STAG1: variants seen among roughly 807,000 people sequenced by gnomAD.
STAG1 encodes the protein STAG1 cohesin complex component, also known as cohesin subunit SA-1.
Under a neutral mutation model 170.9 loss-of-function variants are expected in STAG1, and 26 were observed. That is an observed-to-expected ratio of 0.15 (90% CI 0.11 to 0.21). STAG1 has a LOEUF of 0.21. Among genes scored for constraint, STAG1 ranks in the 10% least tolerant of loss-of-function variants. The pLI is 1.00. For missense variants in STAG1, 964 were observed against 1,509.5 expected (o/e 0.64, Z 5.99); for synonymous variants, 514 against 497.7 (o/e 1.03, Z -0.44).
chr3:136,478,868 C>A (rs2089835640), intron 9 of STAG1, among the ~76,000 whole-genome samples: 1 of 152,124 alleles, frequency 6.6e-6, no homozygotes, highest in Non-Finnish European at 1.5e-5. Context: ...AATCCTGGTT[C>A]TGCTATTTAC....
chr3:136,439,791 C>G (rs1335934090), intron 15 of STAG1, among the ~76,000 whole-genome samples: 1 of 152,128 alleles, frequency 6.6e-6, no homozygotes, highest in African/African-American at 2.4e-5. Context: ...ACTGTTATGC[C>G]TAATTTCTCA....
intron 1 of STAG1, among the ~76,000 whole-genome samples, chr3:136,706,712 A>G (rs1943235932): frequency 6.6e-6 from 1 of 152,208 alleles, no homozygotes. Flanking sequence ...GGAAAGTCCA[A>G]TCCTCAAACT....
At chr3:136,606,799 C>T (rs1257167289) in intron 3 of STAG1, among the ~76,000 whole-genome samples, 5 of 143,330 alleles carry the variant, frequency 3.5e-5, no homozygotes, top group Admixed American at 2.2e-4. Context: ...CCCAGGCTAA[C>T]GTGCAATGGC....
intron 9 of STAG1, among the ~76,000 whole-genome samples, chr3:136,485,152 T>C (rs1385705126): frequency 1.3e-5 from 2 of 152,156 alleles, no homozygotes; most frequent in Non-Finnish European, 2.9e-5. Flanking sequence ...TTATAATGAA[T>C]ACAGTATAAA....
chr3:136,635,372 T>C (rs1209219188), intron 1 of STAG1, among the ~76,000 whole-genome samples: 1 of 152,192 alleles, frequency 6.6e-6, no homozygotes, highest in East Asian at 1.9e-4. Flanking sequence ...AAAAACTACA[T>C]GATCATACCA....
At chr3:136,497,280 T>C (rs1237221546) in intron 9 of STAG1, among the ~76,000 whole-genome samples, 1 of 151,976 alleles carries the variant, frequency 6.6e-6, no homozygotes, top group Non-Finnish European at 1.5e-5. Context: ...GTGATATTCA[T>C]TAAAATAAAG....
In STAG1 at chr3:136,423,053, A is replaced by G. The variant is rs778716302; in HGVS notation, c.1651-9T>C. 4 of 1,569,960 alleles carry G rather than the reference A, an allele frequency of 2.5e-6. No homozygotes were observed. Among genetic ancestry groups the G allele is most frequent in the Admixed American group, 3.5e-5 (2 of 56,394 alleles). On this transcript the variant is annotated splice_polypyrimidine_tract_variant and intron_variant, in intron 16 of 33. Transcript: ENST00000383202. Reference sequence around the variant, plus strand: ...TCTTTGGCAGTTAGCACCTAGAAACAAAATCGGAAAAGAAGAAGAGTATTG... The same window carrying G: ...TCTTTGGCAGTTAGCACCTAGAAACGAAATCGGAAAAGAAGAAGAGTATTG...
intron 22 of STAG1, among the ~76,000 whole-genome samples, 177 bp from the exon 23 acceptor site, chr3:136,377,929 A>AG (rs993179821): frequency 1.3e-5 from 2 of 152,230 alleles, no homozygotes; most frequent in African/African-American, 4.8e-5. Flanking sequence ...TCCTAATAGA[A>AG]GGGGTAGTGA....
At chr3:136,652,475 C>T (rs1353156256) in intron 1 of STAG1, among the ~76,000 whole-genome samples, 1 of 152,196 alleles carries the variant, frequency 6.6e-6, no homozygotes, top group Non-Finnish European at 1.5e-5. Context: ...AAACTTGAAA[C>T]TCATTCCATA....
At chr3:136,338,754 G>C (rs959639823) in intron 32 of STAG1, among the ~76,000 whole-genome samples, 1 of 152,212 alleles carries the variant, frequency 6.6e-6, no homozygotes, top group African/African-American at 2.4e-5. Context: ...TCCCTTTAAA[G>C]TCACAGAAAA....
chr3:136,432,520 G>GA (rs1559798066), intron 16 of STAG1, among the ~76,000 whole-genome samples: 2 of 144,742 alleles, frequency 1.4e-5, no homozygotes, highest in African/African-American at 2.5e-5. Context: ...TTTTTGGGGG[G>GA]GGGGGGGCAC....
intron 22 of STAG1, among the ~76,000 whole-genome samples, chr3:136,378,329 G>A (rs1937724669): frequency 6.6e-6 from 1 of 152,200 alleles, no homozygotes; most frequent in African/African-American, 2.4e-5. Flanking sequence ...TTTAATCTAA[G>A]GTTGGATGGG....
intron 13 of STAG1, among the ~76,000 whole-genome samples, chr3:136,457,784 CAAGA>C (rs1042960255): frequency 2.0e-5 from 3 of 151,968 alleles, no homozygotes; most frequent in Non-Finnish European, 4.4e-5. Flanking sequence ...ATGAAGACTA[CAAGA>C]AAAAACTATT....
intron 28 of STAG1, among the ~76,000 whole-genome samples, chr3:136,355,134 C>T (rs1355157489): frequency 6.6e-6 from 1 of 151,880 alleles, no homozygotes; most frequent in Non-Finnish European, 1.5e-5. Context: ...GGGCAGATTA[C>T]TTGAGATCAA....
At chr3:136,729,643 G>A (rs2107938510) in intron 1 of STAG1, among the ~76,000 whole-genome samples, 1 of 145,464 alleles carries the variant, frequency 6.9e-6, no homozygotes, top group Non-Finnish European at 1.5e-5. Flanking sequence ...CATGATCTCG[G>A]CTCACTGAAA....
intron 1 of STAG1, among the ~76,000 whole-genome samples, chr3:136,731,048 A>G (rs1216998395): frequency 1.3e-5 from 2 of 152,206 alleles, no homozygotes; most frequent in African/African-American, 4.8e-5. Context: ...CCACTGGGCT[A>G]TATATCACAG....
At chr3:136,687,512 C>T (rs1376490155) in intron 1 of STAG1, among the ~76,000 whole-genome samples, 1 of 151,162 alleles carries the variant, frequency 6.6e-6, no homozygotes, top group Non-Finnish European at 1.5e-5. Flanking sequence ...TCCAAAAACT[C>T]GACCTTGAAA....
intron 4 of STAG1, among the ~76,000 whole-genome samples, chr3:136,598,588 G>A (rs1342904316): frequency 2.0e-5 from 3 of 151,848 alleles, no homozygotes; most frequent in East Asian, 3.9e-4. Flanking sequence ...CACCACGCCC[G>A]GCTAATTTTT....
chr3:136,623,311 A>T, intron 2 of STAG1, 63 bp from the exon 3 acceptor site: 9 of 1,461,240 alleles, frequency 6.2e-6, no homozygotes, highest in Non-Finnish European at 8.5e-6. Context: ...CTGTTTCACT[A>T]CTTTCCTTAC....
Sources: allele counts gnomAD v4.1 joint callset (sites outside exome capture counted in the v4.1 genomes callset), GRCh38; gene constraint gnomAD v4.1.1; transcripts MANE v1.5; gene names NCBI Gene and HGNC (gene_info 2026-07-23, HGNC 2026-07-21).